The following ERC2 variants were observed in gnomAD, a reference collection of about 807,000 sequenced individuals.
ERC2 encodes ERC protein 2.
Under a neutral mutation model 114.8 loss-of-function variants are expected in ERC2, and 42 were observed. That is an observed-to-expected ratio of 0.37 (90% CI 0.29 to 0.47). ERC2 has a LOEUF of 0.47. ERC2 is among the 20% of genes least tolerant of loss of function. The pLI is 0.99. For synonymous variants in ERC2, 454 were observed against 425.5 expected, an observed-to-expected ratio of 1.07 and a Z score of -0.82; for missense variants, 939 against 1,150.7, an observed-to-expected ratio of 0.82 and a Z score of 2.66.
intron 14 of ERC2, among the ~76,000 whole-genome samples, chr3:55,862,625 C>T (rs1172949940): frequency 1.3e-5 from 2 of 152,176 alleles, no homozygotes; most frequent in African/African-American, 4.8e-5. Context: ...CTGATATCTA[C>T]CCTGATTTCT....
chr3:55,593,744 C>G (rs1445534328), intron 17 of ERC2, among the ~76,000 whole-genome samples: 1 of 152,102 alleles, frequency 6.6e-6, no homozygotes, highest in East Asian at 1.9e-4. Flanking sequence ...TATCTGAATC[C>G]TCTTGCTTTT....
At chr3:56,083,115 C>A (rs2077323204) in intron 6 of ERC2, among the ~76,000 whole-genome samples, 1 of 152,116 alleles carries the variant, frequency 6.6e-6, no homozygotes, top group African/African-American at 2.4e-5. Flanking sequence ...ATGCCCACAG[C>A]AACATTGTTC....
At chr3:56,154,806 A>C (rs963433234) in intron 4 of ERC2, among the ~76,000 whole-genome samples, 25 of 152,298 alleles carry the variant, frequency 1.6e-4, no homozygotes, top group African/African-American at 5.8e-4. Context: ...TATAATGCAT[A>C]CAAAGTGCCT....
At chr3:55,966,296 A>G (rs188398357) in intron 12 of ERC2, among the ~76,000 whole-genome samples, 1 of 152,236 alleles carries the variant, frequency 6.6e-6, no homozygotes, top group African/African-American at 2.4e-5. Flanking sequence ...GGATTCATGA[A>G]AATCCTGGGT....
At chr3:56,239,425 G>C (rs2051177068) in intron 3 of ERC2, among the ~76,000 whole-genome samples, 1 of 152,190 alleles carries the variant, frequency 6.6e-6, no homozygotes, top group African/African-American at 2.4e-5. Context: ...AGAATTGCTT[G>C]AACCCAGGTG....
At chr3:55,558,830 C>A (rs1292972414) in intron 17 of ERC2, among the ~76,000 whole-genome samples, 2 of 152,220 alleles carry the variant, frequency 1.3e-5, no homozygotes, top group South Asian at 4.1e-4. Context: ...TGTTATAGAT[C>A]TAGGGGTAAA....
rs189345213 is a variant in ERC2 at position 55,924,172 on chromosome 3, A to G, written c.2403+26253T>C. On this transcript the variant is annotated intron_variant, in intron 13 of 17. Coordinates refer to ENST00000288221, the MANE Select transcript of ERC2 (RefSeq NM_015576.3). ...GAGAGGTAGAGATTCTAGTACATAT[A>G]ATATACTGGTAGAATTAAAGCTGTC... 8.5e-5 allele frequency among the ~76,000 whole-genome samples: 13 copies of G among 152,182 alleles called. 1 individual carries two copies. The highest frequency in any genetic ancestry group is 2.9e-4 in the African/African-American group (12 of 41,528).
chr3:56,008,985 T>C (rs1161041641), intron 9 of ERC2, among the ~76,000 whole-genome samples: 1 of 152,208 alleles, frequency 6.6e-6, no homozygotes, highest in Non-Finnish European at 1.5e-5. Context: ...GGTTCTGTTT[T>C]TCTTGCAGAA....
intron 3 of ERC2, among the ~76,000 whole-genome samples, chr3:56,217,044 G>A (rs1185100170): frequency 6.6e-6 from 1 of 152,080 alleles, no homozygotes; most frequent in African/African-American, 2.4e-5. Flanking sequence ...CATACTGAAG[G>A]GGCAAAAACT....
chr3:56,111,334 A>AGT (rs1560190830), intron 6 of ERC2, among the ~76,000 whole-genome samples: 1 of 110,278 alleles, frequency 9.1e-6, no homozygotes, highest in African/African-American at 3.7e-5. Context: ...TCTCTCTCTC[A>AGT]ATCTCTCTCC....
chr3:55,519,520 T>C (rs2052754941), intron 17 of ERC2, among the ~76,000 whole-genome samples: 1 of 152,206 alleles, frequency 6.6e-6, no homozygotes, highest in Non-Finnish European at 1.5e-5. Context: ...CCTTTCTCTC[T>C]CACACGCTGA....
chr3:56,258,810 T>C (rs926899852), intron 3 of ERC2, among the ~76,000 whole-genome samples: 8 of 152,198 alleles, frequency 5.3e-5, no homozygotes, highest in Non-Finnish European at 1.2e-4. Flanking sequence ...GCATGTATCA[T>C]AGAGAGTGCC....
chr3:55,605,726 G>A (rs930490257), intron 17 of ERC2, among the ~76,000 whole-genome samples: 2 of 152,128 alleles, frequency 1.3e-5, no homozygotes, highest in Non-Finnish European at 2.9e-5. Flanking sequence ...AGATGGTGAG[G>A]CATCTCTTGG....
At chr3:55,832,179 G>A (rs1470847733) in intron 14 of ERC2, among the ~76,000 whole-genome samples, 1 of 152,238 alleles carries the variant, frequency 6.6e-6, no homozygotes, top group African/African-American at 2.4e-5. Flanking sequence ...TGGGGGCAGG[G>A]CACGGACAAA....
chr3:55,859,839 C>T (rs940916430), intron 14 of ERC2, among the ~76,000 whole-genome samples: 2 of 151,960 alleles, frequency 1.3e-5, no homozygotes, highest in African/African-American at 4.8e-5. Context: ...ATCTTTAGTA[C>T]AGACAGAAGA....
intron 7 of ERC2, among the ~76,000 whole-genome samples, chr3:56,058,209 A>C (rs1293684081): frequency 6.6e-6 from 1 of 152,158 alleles, no homozygotes; most frequent in Non-Finnish European, 1.5e-5. Context: ...CCTCCCCTTA[A>C]CTTTTAGGGA....
chr3:55,821,248 T>C (rs909490234), intron 14 of ERC2, among the ~76,000 whole-genome samples: 5 of 152,138 alleles, frequency 3.3e-5, no homozygotes, highest in African/African-American at 1.2e-4. Flanking sequence ...GCAATAGGAC[T>C]GCCAAAAGTT....
At chr3:55,763,462 C>T (rs1297855786) in intron 14 of ERC2, among the ~76,000 whole-genome samples, 3 of 152,096 alleles carry the variant, frequency 2.0e-5, no homozygotes, top group African/African-American at 4.8e-5. Flanking sequence ...ATAGATGCAT[C>T]GGGTGTGTCT....
intron 17 of ERC2, among the ~76,000 whole-genome samples, chr3:55,578,559 T>A (rs1175586639): frequency 6.6e-6 from 1 of 152,242 alleles, no homozygotes; most frequent in African/African-American, 2.4e-5. Flanking sequence ...TCTCTCCTTA[T>A]AAAAAATACA....
Sources: allele counts gnomAD v4.1 joint callset (sites outside exome capture counted in the v4.1 genomes callset), GRCh38; gene constraint gnomAD v4.1.1; transcripts MANE v1.5; gene names NCBI Gene and HGNC (gene_info 2026-07-23, HGNC 2026-07-21).